The following HNMT variants were observed in gnomAD, a reference collection of about 807,000 sequenced individuals.
HNMT encodes histamine N-methyltransferase.
In HNMT, 30 loss-of-function variants were observed where a neutral mutation model predicts 32.1. The ratio of observed to expected loss-of-function variants is 0.93; its 90% CI spans 0.70 to 1.27. HNMT has a LOEUF of 1.27. HNMT is among the 50% of genes most tolerant of loss of function. The pLI, the probability that HNMT is intolerant of heterozygous loss-of-function variation, is 0.00. For missense variants in HNMT, 327 were observed against 346.0 expected, an observed-to-expected ratio of 0.95 and a Z score of 0.43; for synonymous variants, 125 against 119.0, an observed-to-expected ratio of 1.05 and a Z score of -0.33.
chr2:137,973,787 G>C (rs1420511796), intron 2 of HNMT, among the ~76,000 whole-genome samples: 1 of 151,914 alleles, frequency 6.6e-6, no homozygotes, highest in Non-Finnish European at 1.5e-5. Flanking sequence ...TTTGGGGGGG[G>C]GTGGTCTATT....
intron 2 of HNMT, among the ~76,000 whole-genome samples, chr2:137,976,303 A>G (rs1680288802): frequency 6.6e-6 from 1 of 151,938 alleles, no homozygotes; most frequent in East Asian, 1.9e-4. Flanking sequence ...ACCTGTCTAT[A>G]AATAGAAAAT....
At chr2:137,978,429 T>A (rs1370905230) in intron 2 of HNMT, among the ~76,000 whole-genome samples, 2 of 144,222 alleles carry the variant, frequency 1.4e-5, no homozygotes, top group Non-Finnish European at 3.0e-5. Flanking sequence ...TATAGTATTA[T>A]ATACAATACA....
chr2:137,981,301 C>T, intron 2 of HNMT: 1 of 1,613,558 alleles, frequency 6.2e-7, no homozygotes, highest in Non-Finnish European at 8.5e-7. Flanking sequence ...ACAAGCCAGG[C>T]ATGAGGATCC....
At chr2:137,978,634 TTAG>T (rs1422694707) in intron 2 of HNMT, among the ~76,000 whole-genome samples, 95 of 137,282 alleles carry the variant, frequency 6.9e-4, no homozygotes, top group African/African-American at 1.9e-3. Context: ...ATACATATGA[TTAG>T]ATAATATAGT....
At chr2:137,996,184 T>C (rs1680987785) in intron 2 of HNMT, among the ~76,000 whole-genome samples, 2 of 152,028 alleles carry the variant, frequency 1.3e-5, no homozygotes, top group Non-Finnish European at 2.9e-5. Context: ...AATCAAGCAA[T>C]AGAAACAAAT....
intron 5 of HNMT, among the ~76,000 whole-genome samples, chr2:138,008,888 T>C (rs1355135385): frequency 4.6e-5 from 7 of 151,794 alleles, no homozygotes; most frequent in Admixed American, 3.3e-4. Context: ...CTAAAATCAA[T>C]AAAAACATTG....
At chr2:137,983,863 TAGG>T (rs1680574588) in intron 2 of HNMT, among the ~76,000 whole-genome samples, 1 of 151,988 alleles carries the variant, frequency 6.6e-6, no homozygotes, top group Non-Finnish European at 1.5e-5. Flanking sequence ...GGCAGAAGAG[TAGG>T]AGGATAGGGA....
intron 2 of HNMT, among the ~76,000 whole-genome samples, chr2:137,980,724 C>A (rs963311145): frequency 5.9e-5 from 9 of 152,218 alleles, no homozygotes; most frequent in East Asian, 3.9e-4. Flanking sequence ...TGGCAACACC[C>A]TTTTGACTAA....
At chr2:138,004,485 C>G (rs1367496827) in intron 4 of HNMT, among the ~76,000 whole-genome samples, 3 of 151,974 alleles carry the variant, frequency 2.0e-5, no homozygotes, top group Non-Finnish European at 4.4e-5. Flanking sequence ...CACGTCAATG[C>G]CTAAGTCCAA....
intron 2 of HNMT, among the ~76,000 whole-genome samples, chr2:137,978,339 A>G (rs1301639701): frequency 6.8e-6 from 1 of 146,938 alleles, no homozygotes; most frequent in African/African-American, 2.5e-5. Flanking sequence ...TAATTATATA[A>G]TATATGATTA....
chr2:137,995,009 C>A (rs1436816016), intron 2 of HNMT, among the ~76,000 whole-genome samples: 2 of 152,042 alleles, frequency 1.3e-5, no homozygotes, highest in African/African-American at 2.4e-5. Context: ...TGGGACACAA[C>A]TAAAGCAGTG....
At chr2:138,001,159 G>A in intron 3 of HNMT, 134 bp downstream of exon 3, 1 of 507,286 alleles carries the variant, frequency 2.0e-6, no homozygotes, top group South Asian at 3.4e-5. Flanking sequence ...AACTGAATTA[G>A]TTCTTGGCAG....
chr2:137,986,347 G>A lies in HNMT; in HGVS notation c.191-14571G>A, dbSNP rs537915692. Among the ~76,000 whole-genome samples the A allele has an allele frequency of 5.0e-4, 76 of 152,056 alleles. 1 individual carries two copies. In the South Asian group the frequency reaches 7.3e-3, roughly 15 times the overall value. On this transcript the variant is annotated intron_variant, in intron 2 of 5. Transcript: ENST00000280097. The stretch of plus-strand genomic sequence containing the variant: ...CTGACAAGTCCCAAGATCTGCAGTC[G>A]GTAGGCTGGAGACCCAGGAGAGCCC...
chr2:137,970,943 AAGAAAG>A (rs1558951055), intron 2 of HNMT, among the ~76,000 whole-genome samples: 50 of 27,008 alleles, frequency 1.9e-3, no homozygotes, highest in African/African-American at 5.1e-3. Context: ...AAAAGAAAGA[AAGAAAG>A]AAAGAAAGAA....
rs575420771 is a variant in HNMT at position 138,005,285 on chromosome 2, T to A, written c.523+60T>A. ...AGCAATAATACACGTATGCATGGAT[T>A]CCTGTGTTTGAAAGAAGCTTATATA... On this transcript the variant is annotated intron_variant, in intron 5 of 5. Coordinates refer to ENST00000280097, the MANE Select transcript of HNMT (RefSeq NM_006895.3). 7.7e-6 allele frequency: 7 copies of A among 907,520 alleles called. No individual in the cohort carries two copies. The African/African-American group carries it at 8.4e-5, about 11-fold the overall frequency. The allele number at this position is 907,520 out of a possible 1,614,324, so 56.2% of individuals were successfully genotyped here.
intron 2 of HNMT, among the ~76,000 whole-genome samples, chr2:137,973,084 A>G (rs780975543): frequency 6.6e-5 from 10 of 152,196 alleles, no homozygotes; most frequent in South Asian, 2.1e-4. Context: ...GTCACTTTTC[A>G]TAAGAAATCA....
At chr2:137,999,494 C>T (rs1681095868) in intron 2 of HNMT, among the ~76,000 whole-genome samples, 1 of 152,136 alleles carries the variant, frequency 6.6e-6, no homozygotes, top group African/African-American at 2.4e-5. Flanking sequence ...TTTTCCCAGT[C>T]TAGCATCTTC....
At chr2:138,013,532 G>A (rs1681573644) in intron 5 of HNMT, among the ~76,000 whole-genome samples, 1 of 152,080 alleles carries the variant, frequency 6.6e-6, no homozygotes, top group Non-Finnish European at 1.5e-5. Context: ...GACCACCCTA[G>A]TTAAAACAGC....
intron 2 of HNMT, among the ~76,000 whole-genome samples, chr2:137,984,620 G>A (rs565119492): frequency 6.6e-6 from 1 of 152,180 alleles, no homozygotes; most frequent in East Asian, 1.9e-4. Flanking sequence ...TTAGTCTCAG[G>A]CTTTGATTTT....
Sources: gnomAD v4.1 joint callset for allele counts (sites outside exome capture counted in the v4.1 genomes callset) on GRCh38, gnomAD v4.1.1 for gene constraint, MANE v1.5 for transcripts, NCBI Gene and HGNC (gene_info 2026-07-23, HGNC 2026-07-21) for gene names.